PPP1R16B: variants seen among roughly 807,000 people sequenced by gnomAD.
PPP1R16B encodes the protein protein phosphatase 1 regulatory inhibitor subunit 16B.
PPP1R16B carries 14 observed loss-of-function variants against 61.7 expected under a neutral mutation model. That is an observed-to-expected ratio of 0.23 (90% CI 0.15 to 0.35). The LOEUF is 0.35. Among genes scored for constraint, PPP1R16B ranks in the 10% least tolerant of loss-of-function variants. PPP1R16B has a pLI of 1.00. For synonymous variants in PPP1R16B, 266 were observed against 305.3 expected (o/e 0.87, Z 1.34); for missense variants, 547 against 752.5 (o/e 0.73, Z 3.19).
chr20:38,824,971 G>GCAA (rs1240756341), intron 1 of PPP1R16B, among the ~76,000 whole-genome samples: 12 of 152,240 alleles, frequency 7.9e-5, no homozygotes, highest in African/African-American at 2.7e-4. Flanking sequence ...TCCAGCCTGG[G>GCAA]CAACAGAGTG....
intron 2 of PPP1R16B, among the ~76,000 whole-genome samples, chr20:38,878,003 A>G (rs1412777258): frequency 1.2e-5 from 1 of 85,850 alleles, no homozygotes; most frequent in South Asian, 4.2e-4. Context: ...TTGCTGCTTT[A>G]TGGGAAGGAT....
rs145150878 is a variant in PPP1R16B at position 38,825,690 on chromosome 20, G to A, written c.-101-10135G>A. Reference sequence around the variant, plus strand: ...CCACAGTGAGTTGTTGCTGTTGTTTGGATGATATTCTGGGATTTGAAGGGC... The same window carrying A: ...CCACAGTGAGTTGTTGCTGTTGTTTAGATGATATTCTGGGATTTGAAGGGC... On this transcript the variant is annotated intron_variant, in intron 1 of 10. Transcript: ENST00000299824. Among the ~76,000 whole-genome samples, 218 of 152,236 alleles carry A rather than the reference G, an allele frequency of 1.4e-3. 1 individual carries two copies. Among genetic ancestry groups the A allele is most frequent in the Non-Finnish European group, 2.7e-3 (181 of 68,014 alleles).
In PPP1R16B at chr20:38,835,903, G is replaced by C. The variant is rs1435192632; in HGVS notation, c.-23G>C. ...GGTGCACCGTGCTAGCCCCCAGCCA[G>C]GGCGTTGGGGAGGGCGGTGGCCATG... is the stretch of plus-strand genomic sequence containing the variant. On this transcript the variant is annotated 5_prime_UTR_variant, in exon 2 of 11. Transcript: ENST00000299824. 2.6e-6 allele frequency: 4 copies of C among 1,523,062 alleles called. No homozygotes were observed. Among genetic ancestry groups the C allele is most frequent in the Non-Finnish European group, 3.5e-6 (4 of 1,137,402 alleles). The allele number at this position is 1,523,062 out of a possible 1,614,324, so 94.3% of individuals were successfully genotyped here.
At chr20:38,900,861 T>A (rs1053969615) in intron 5 of PPP1R16B, among the ~76,000 whole-genome samples, 177 bp downstream of exon 5, 2 of 152,216 alleles carry the variant, frequency 1.3e-5, no homozygotes, top group African/African-American at 4.8e-5. Context: ...GAGCAGGACA[T>A]GAGAGGACCC....
intron 2 of PPP1R16B, among the ~76,000 whole-genome samples, chr20:38,841,353 G>C (rs931563430): frequency 2.3e-5 from 1 of 42,584 alleles, no homozygotes; most frequent in Non-Finnish European, 4.8e-5. Context: ...TGTCTGTACT[G>C]AAAAAAAAAA....
chr20:38,833,123 A>T (rs2084848350), intron 1 of PPP1R16B, among the ~76,000 whole-genome samples: 2 of 152,234 alleles, frequency 1.3e-5, no homozygotes, highest in African/African-American at 4.8e-5. Flanking sequence ...ACCCAGCAAC[A>T]AGAAGAAACG....
At chr20:38,842,970 G>A (rs2084918176) in intron 2 of PPP1R16B, among the ~76,000 whole-genome samples, 1 of 152,206 alleles carries the variant, frequency 6.6e-6, no homozygotes, top group Admixed American at 6.5e-5. Flanking sequence ...GTTGTGTCAG[G>A]CAGCGTCCTG....
chr20:38,911,128 G>A (rs979153436), intron 10 of PPP1R16B, among the ~76,000 whole-genome samples: 1 of 151,616 alleles, frequency 6.6e-6, no homozygotes, highest in African/African-American at 2.4e-5. Flanking sequence ...TTATAGGCAC[G>A]AGCCACTGTA....
chr20:38,895,810 C>CTCCCTTCCTCCCTTCCTTCTTTCTTCCCT, intron 4 of PPP1R16B, 100 bp downstream of exon 4: 1 of 1,099,184 alleles, frequency 9.1e-7, no homozygotes, highest in Non-Finnish European at 1.3e-6. Context: ...TCTTTCTCTC[C>CTCCCTTCCTCCCTTCCTTCTTTCTTCCCT]TCCCTTCCTC....
chr20:38,877,356 C>A (rs1203749759), intron 2 of PPP1R16B, among the ~76,000 whole-genome samples: 1 of 151,668 alleles, frequency 6.6e-6, no homozygotes, highest in East Asian at 1.9e-4. Context: ...GTTGCCCACG[C>A]TGGAGTGCAA....
chr20:38,909,683 T>C (rs1424048120), intron 10 of PPP1R16B, among the ~76,000 whole-genome samples: 1 of 152,232 alleles, frequency 6.6e-6, no homozygotes, highest in Non-Finnish European at 1.5e-5. Flanking sequence ...CATGCCCACG[T>C]GTCTCAGAGG....
At chr20:38,855,937 T>TAGAGAG (rs1244542225) in intron 2 of PPP1R16B, among the ~76,000 whole-genome samples, 7 of 37,770 alleles carry the variant, frequency 1.9e-4, no homozygotes, top group East Asian at 8.9e-4. Flanking sequence ...TATATATATA[T>TAGAGAG]ATATATAGAG....
At chr20:38,813,721 C>CTAAA (rs1329307741) in intron 1 of PPP1R16B, among the ~76,000 whole-genome samples, 1 of 151,462 alleles carries the variant, frequency 6.6e-6, no homozygotes, top group Non-Finnish European at 1.5e-5. Context: ...TACTTAACTC[C>CTAAA]TTTAGTCCTC....
rs1601244927 is a variant in PPP1R16B, at chr20:38,835,877, C to T, written c.-49C>T. 3 of 1,483,598 alleles carry T rather than the reference C, an allele frequency of 2.0e-6. No individual in the cohort carries two copies. The highest frequency in any genetic ancestry group is 2.7e-6 in the Non-Finnish European group (3 of 1,119,074). The allele number at this position is 1,483,598 out of a possible 1,614,324, so 91.9% of individuals were successfully genotyped here. On this transcript the variant is annotated 5_prime_UTR_variant, in exon 2 of 11. Transcript: ENST00000299824. The stretch of plus-strand genomic sequence containing the variant: ...AGAGGCCCCGCGCTGCCCTGGCCCC[C>T]GGTGCACCGTGCTAGCCCCCAGCCA...
rs1391710407 is a variant in PPP1R16B at position 38,918,738 on chromosome 20, C to G, written c.*72C>G. 3 of 1,441,034 alleles carry G rather than the reference C, an allele frequency of 2.1e-6. No individual in the cohort carries two copies. In the Admixed American group the frequency reaches 7.6e-5, roughly 36 times the overall value. The allele number at this position is 1,441,034 out of a possible 1,614,324, so 89.3% of individuals were successfully genotyped here. A position where few individuals can be genotyped will look rare whatever the true frequency, so the allele number is the denominator to read the frequency against. On this transcript the variant is annotated 3_prime_UTR_variant, in exon 11 of 11. Coordinates refer to ENST00000299824, the MANE Select transcript of PPP1R16B (RefSeq NM_015568.4). This position sits in a 1 kb window ranked among gnomAD's most constrained non-coding sequence, Gnocchi z 5.3. ...ATCCAGGCCAGCCCAACAGCCCTGG[C>G]TGGGGAGGTGTCAGGGCAGCTGGGG...
intron 10 of PPP1R16B, among the ~76,000 whole-genome samples, chr20:38,910,529 G>A (rs2085479847): frequency 6.9e-6 from 1 of 145,414 alleles, no homozygotes; most frequent in Admixed American, 6.9e-5. Context: ...TATAGCAGTA[G>A]TTTTTTTTTG....
At chr20:38,891,725 C>T (rs1601294293) in intron 3 of PPP1R16B, among the ~76,000 whole-genome samples, 2 of 152,018 alleles carry the variant, frequency 1.3e-5, no homozygotes, top group African/African-American at 4.8e-5. Context: ...TTGCTTGAAC[C>T]CGGGAGACAG....
intron 3 of PPP1R16B, among the ~76,000 whole-genome samples, chr20:38,894,432 C>G (rs1228947204): frequency 6.6e-6 from 1 of 152,252 alleles, no homozygotes; most frequent in Non-Finnish European, 1.5e-5. Flanking sequence ...CAGCTCCTCA[C>G]TGTCCCCTCC....
intron 1 of PPP1R16B, among the ~76,000 whole-genome samples, chr20:38,828,417 C>T (rs1018696634): frequency 6.6e-6 from 1 of 152,216 alleles, no homozygotes. Flanking sequence ...TTTCTGCACC[C>T]CTAAAAACAT....
Sources: gnomAD v4.1 joint callset for allele counts (sites outside exome capture counted in the v4.1 genomes callset) on GRCh38, gnomAD v4.1.1 for gene constraint, Gnocchi (gnomAD v3.1) non-coding constraint, MANE v1.5 for transcripts, NCBI Gene and HGNC (gene_info 2026-07-23, HGNC 2026-07-21) for gene names.